Variants in THSD7A observed in about 807,000 individuals in gnomAD.
The protein encoded by THSD7A is thrombospondin type-1 domain-containing protein 7A.
THSD7A carries 96 observed loss-of-function variants against 231.3 expected under a neutral mutation model. The observed-to-expected ratio is 0.41, with a 90% confidence interval of 0.35 to 0.49. The LOEUF is 0.49. Ranked by LOEUF, THSD7A falls within the 20% of genes least tolerant of loss-of-function variation. THSD7A has a pLI of 0.05. For synonymous variants in THSD7A, 940 were observed against 743.3 expected (o/e 1.26, Z -4.30); for missense variants, 2,290 against 2,070.2 (o/e 1.11, Z -2.06).
intron 6 of THSD7A, among the ~76,000 whole-genome samples, chr7:11,497,618 T>C (rs952181038): frequency 6.6e-6 from 1 of 152,168 alleles, no homozygotes. Context: ...AATAGAACTT[T>C]CCACTTGGAA....
Position 11,424,798 on chromosome 7 carries a change from C to T in THSD7A, c.3281G>A (p.Cys1094Tyr). Residue 1094 changes from cysteine (C) to tyrosine (Y), a missense_variant, in exon 16 of 28, where the codon TGC becomes TAC. Physicochemically the swap from Cys to Tyr is radical, Grantham distance 194. Coordinates refer to ENST00000423059, the MANE Select transcript of THSD7A (RefSeq NM_015204.3). ...VYEVVPCHSD[C>Y]NQYLWVTEPW... is the part of the protein sequence containing the mutation. ...CTCTGTGACCCATAGGTACTGGTTG[C>T]AGTCACTGTGGCATGGGACAACCTC... The T allele has an allele frequency of 6.2e-7, 1 of 1,613,988 alleles. No homozygotes were observed. The highest frequency in any genetic ancestry group is 1.1e-5 in the South Asian group (1 of 91,074).
At position 11,411,376 on chromosome 7, in the gene THSD7A, A is replaced by T; in HGVS notation, c.3683-54T>A. The T allele has an allele frequency of 8.1e-7, 1 of 1,234,626 alleles. No homozygotes were observed. The highest frequency in any genetic ancestry group is 1.2e-6 in the Non-Finnish European group (1 of 854,854). The allele number at this position is 1,234,626 out of a possible 1,614,324, so 76.5% of individuals were successfully genotyped here. A position where few individuals can be genotyped will look rare whatever the true frequency, so the allele number is the denominator to read the frequency against. On this transcript the variant is annotated intron_variant, in intron 18 of 27. Transcript: ENST00000423059. This position sits in a 1 kb window ranked among gnomAD's most constrained non-coding sequence, Gnocchi z 4.1. ...GAAGGCTAAGTAAGAAACAGATTTCAAATGAAACTCTGATGACCTGAATCC... is the reference window on the plus strand; with the variant it reads ...GAAGGCTAAGTAAGAAACAGATTTCTAATGAAACTCTGATGACCTGAATCC...
intron 1 of THSD7A, among the ~76,000 whole-genome samples, chr7:11,647,249 A>C (rs2128366645): frequency 6.6e-6 from 1 of 152,136 alleles, no homozygotes; most frequent in Admixed American, 6.6e-5. Flanking sequence ...TTCCCTCTAG[A>C]ACTACATCCT....
intron 1 of THSD7A, among the ~76,000 whole-genome samples, chr7:11,780,375 T>C (rs138217637): frequency 1.8e-4 from 28 of 152,342 alleles, no homozygotes; most frequent in African/African-American, 5.0e-4. Context: ...ATGACTTTCG[T>C]GGCAAGATCA....
chr7:11,831,792 T>C lies in THSD7A; in HGVS notation c.155A>G (p.Glu52Gly). The change falls in exon 1 of 28, where the codon GAG becomes GGG. Residue 52 changes from glutamate (E) to glycine (G), a missense_variant. Coordinates refer to ENST00000423059, the MANE Select transcript of THSD7A (RefSeq NM_015204.3). This position sits in a 1 kb window ranked among gnomAD's most constrained non-coding sequence, Gnocchi z 5.0. ...PGAGRAAAQG[E>G]AEAPTLYLWK... The stretch of plus-strand genomic sequence containing the variant: ...CAGATAGAGGGTGGGCGCCTCCGCC[T>C]CGCCCTGCGCCGCAGCCCTGCCGGC... 1 of 1,476,408 alleles carries C rather than the reference T, an allele frequency of 6.8e-7. No individual in the cohort carries two copies. The highest frequency in any genetic ancestry group is 1.4e-5 in the South Asian group (1 of 71,542). 91.5% of individuals were successfully genotyped at this position (1,476,408 alleles called of 1,614,324 possible).
intron 4 of THSD7A, among the ~76,000 whole-genome samples, chr7:11,563,473 C>T (rs1342482375): frequency 6.6e-6 from 1 of 152,220 alleles, no homozygotes; most frequent in East Asian, 1.9e-4. Flanking sequence ...GATTCTCCTG[C>T]CTCATCCTCC....
At chr7:11,528,805 G>T (rs1339118770) in intron 6 of THSD7A, among the ~76,000 whole-genome samples, 1 of 152,092 alleles carries the variant, frequency 6.6e-6, no homozygotes, top group East Asian at 1.9e-4. Flanking sequence ...AAGGTAAACA[G>T]CATCTCTTTT....
At chr7:11,816,321 C>A (rs10270255) in intron 1 of THSD7A, among the ~76,000 whole-genome samples, 48,876 of 152,038 alleles carry the variant, frequency 0.32, 8,262 homozygotes, top group East Asian at 0.52. Context: ...CCCCTAAAAT[C>A]GTTATGCAAT....
intron 1 of THSD7A, among the ~76,000 whole-genome samples, chr7:11,733,574 G>A (rs1237729085): frequency 6.6e-6 from 1 of 151,776 alleles, no homozygotes; most frequent in Admixed American, 6.6e-5. Context: ...GACTGTGACT[G>A]TGTAGAAAAA....
At chr7:11,455,792 C>T (rs955818051) in intron 11 of THSD7A, among the ~76,000 whole-genome samples, 18 of 151,932 alleles carry the variant, frequency 1.2e-4, no homozygotes, top group Admixed American at 7.9e-4. Flanking sequence ...TGCTTTAGAG[C>T]GAATGTCAGT....
intron 1 of THSD7A, among the ~76,000 whole-genome samples, chr7:11,726,549 T>G (rs1781554601): frequency 6.6e-6 from 1 of 152,004 alleles, no homozygotes; most frequent in African/African-American, 2.4e-5. Context: ...AGAATTGATT[T>G]TTTTTGCACC....
intron 23 of THSD7A, among the ~76,000 whole-genome samples, chr7:11,394,240 C>T (rs565626551): frequency 6.6e-6 from 1 of 152,146 alleles, no homozygotes; most frequent in Non-Finnish European, 1.5e-5. Flanking sequence ...TTTCAATCCA[C>T]AATTTCACAT....
At chr7:11,470,608 G>A (rs905959722) in intron 8 of THSD7A, among the ~76,000 whole-genome samples, 1 of 151,562 alleles carries the variant, frequency 6.6e-6, no homozygotes, top group Non-Finnish European at 1.5e-5. Flanking sequence ...TTTATTTAGT[G>A]CATCTATTTG....
intron 1 of THSD7A, among the ~76,000 whole-genome samples, chr7:11,720,033 C>T (rs1457078848): frequency 2.6e-5 from 4 of 151,744 alleles, no homozygotes; most frequent in Admixed American, 2.0e-4. Flanking sequence ...CCTTTTGTCA[C>T]ACCTGCATGG....
intron 2 of THSD7A, among the ~76,000 whole-genome samples, chr7:11,620,300 C>T (rs1781260181): frequency 1.3e-5 from 2 of 152,020 alleles, no homozygotes; most frequent in South Asian, 4.2e-4. Context: ...AAAAATTTCA[C>T]AAACACTTTA....
At chr7:11,415,861 T>C (rs748752460) in intron 17 of THSD7A, among the ~76,000 whole-genome samples, 15 of 152,198 alleles carry the variant, frequency 9.9e-5, no homozygotes, top group Non-Finnish European at 1.8e-4. Context: ...AGTCAAGGTG[T>C]AACCAATCTA....
chr7:11,436,294 T>C (rs1032980207), intron 13 of THSD7A, among the ~76,000 whole-genome samples: 2 of 152,098 alleles, frequency 1.3e-5, no homozygotes. Flanking sequence ...CTTGATCCAG[T>C]GCAATGCACT....
chr7:11,805,006 A>C (rs963216228), intron 1 of THSD7A, among the ~76,000 whole-genome samples: 7 of 152,136 alleles, frequency 4.6e-5, no homozygotes, highest in African/African-American at 1.7e-4. Flanking sequence ...TAAAGAGCTG[A>C]AACCTTGCAT....
intron 1 of THSD7A, among the ~76,000 whole-genome samples, chr7:11,759,324 G>T (rs926866355): frequency 1.3e-5 from 2 of 152,062 alleles, no homozygotes; most frequent in African/African-American, 4.8e-5. Context: ...CCAATGAAAT[G>T]ATCACAACTA....
Sources: allele counts gnomAD v4.1 joint callset (sites outside exome capture counted in the v4.1 genomes callset), GRCh38; gene constraint gnomAD v4.1.1; non-coding constraint Gnocchi (gnomAD v3.1); transcripts MANE v1.5; gene names NCBI Gene and HGNC (gene_info 2026-07-23, HGNC 2026-07-21).